Variants in UBE2N observed in about 807,000 individuals in gnomAD.
UBE2N encodes the protein ubiquitin conjugating enzyme E2 N.
For missense variants in UBE2N, 60 were observed against 192.1 expected (o/e 0.31, Z 4.07); for synonymous variants, 70 against 69.2 (o/e 1.01, Z -0.06).
chr12:93,426,670 T>G (rs1592747569), intron 1 of UBE2N, among the ~76,000 whole-genome samples: 1 of 152,174 alleles, frequency 6.6e-6, no homozygotes, highest in Non-Finnish European at 1.5e-5. Context: ...CAGGCAGTTT[T>G]CTAAAAAATC....
chr12:93,418,556 T>C (rs1878296464), intron 1 of UBE2N, among the ~76,000 whole-genome samples: 1 of 139,506 alleles, frequency 7.2e-6, no homozygotes, highest in South Asian at 2.1e-4. Context: ...GGATTAGAAA[T>C]AGAACCAAAG....
intron 1 of UBE2N, among the ~76,000 whole-genome samples, chr12:93,429,143 G>A (rs182300581): frequency 6.6e-6 from 1 of 151,888 alleles, no homozygotes; most frequent in Non-Finnish European, 1.5e-5. Flanking sequence ...GGTGGTGCAC[G>A]CCTGTAGTCC....
At chr12:93,438,793 T>C (rs1879012678) in intron 1 of UBE2N, among the ~76,000 whole-genome samples, 1 of 152,162 alleles carries the variant, frequency 6.6e-6, no homozygotes, top group African/African-American at 2.4e-5. Flanking sequence ...AAGCAGAACC[T>C]ACAGAATTTG....
chr12:93,415,421 T>C (rs1245895682), intron 1 of UBE2N, among the ~76,000 whole-genome samples: 3 of 152,244 alleles, frequency 2.0e-5, no homozygotes, highest in Non-Finnish European at 4.4e-5. Context: ...ACTAGTTTTT[T>C]GTTTTGATCA....
rs370162649 is a variant in UBE2N, at chr12:93,411,084, C to T, written c.246G>A (p.Lys82=). 90 of 1,614,210 alleles carry T rather than the reference C, an allele frequency of 5.6e-5. No homozygotes were observed. The highest frequency in any genetic ancestry group is 7.5e-5 in the Non-Finnish European group (88 of 1,180,038). ...MTKIYHPNVD[K]LGRICLDILK... ...AAATATCTAAACATATTCTTCCCAACTTGTCTACATTAGGATGATAAATTT... is the reference window on the plus strand; with the variant it reads ...AAATATCTAAACATATTCTTCCCAATTTGTCTACATTAGGATGATAAATTT... Residue 82 remains lysine, a synonymous_variant, in exon 2 of 4, where the codon AAG becomes AAA. Coordinates refer to ENST00000318066, the MANE Select transcript of UBE2N (RefSeq NM_003348.4).
chr12:93,419,154 C>T (rs1395008824), intron 1 of UBE2N, among the ~76,000 whole-genome samples: 1 of 152,178 alleles, frequency 6.6e-6, no homozygotes, highest in East Asian at 1.9e-4. Context: ...AATCCCAGCA[C>T]TTTGGGAGGC....
In UBE2N at chr12:93,414,965, C is replaced by T. The variant is rs181587658; in HGVS notation, c.31-3666G>A. 5.9e-5 allele frequency among the ~76,000 whole-genome samples: 9 copies of T among 152,190 alleles called. No individual in the cohort carries two copies. The East Asian group carries it at 1.7e-3, about 29-fold the overall frequency. On this transcript the variant is annotated intron_variant, in intron 1 of 3. Coordinates refer to ENST00000318066, the MANE Select transcript of UBE2N (RefSeq NM_003348.4). ...AATTAATATTTACTGAATTCTGAAT[C>T]TATTTGATGTTATGAAAAGAGGGAA...
At chr12:93,425,707 G>GA (rs1217588729) in intron 1 of UBE2N, among the ~76,000 whole-genome samples, 1 of 152,046 alleles carries the variant, frequency 6.6e-6, no homozygotes, top group Non-Finnish European at 1.5e-5. Flanking sequence ...GGAGTATGCA[G>GA]AAAAAAAGAC....
chr12:93,407,774 C>A lies in UBE2N; in HGVS notation c.*2265G>T. The A allele has an allele frequency of 6.6e-6, 1 of 152,216 alleles. No individual in the cohort carries two copies. Among genetic ancestry groups the A allele is most frequent in the East Asian group, 1.9e-4 (1 of 5,198 alleles). The allele number at this position is 152,216 out of a possible 1,614,324, so 9.4% of individuals were successfully genotyped here. On this transcript the variant is annotated 3_prime_UTR_variant, in exon 4 of 4. Coordinates refer to ENST00000318066, the MANE Select transcript of UBE2N (RefSeq NM_003348.4). ...CAGGCCCAAAGGCCAGGTGAAGCTG[C>A]AGTTTTCAACTGCTGCCTTGGCCTC...
chr12:93,437,126 T>G (rs1878956917), intron 1 of UBE2N, among the ~76,000 whole-genome samples: 1 of 151,268 alleles, frequency 6.6e-6, no homozygotes, highest in Non-Finnish European at 1.5e-5. Flanking sequence ...TTCCAATATT[T>G]GAAAAAATAA....
chr12:93,437,464 G>T lies in UBE2N; in HGVS notation c.30+4391C>A, dbSNP rs1268525881. Among the ~76,000 whole-genome samples, 8 of 152,218 alleles carry T rather than the reference G, an allele frequency of 5.3e-5. No individual in the cohort carries two copies. The East Asian group carries it at 1.5e-3, about 29-fold the overall frequency. On this transcript the variant is annotated intron_variant, in intron 1 of 3. Coordinates refer to ENST00000318066, the MANE Select transcript of UBE2N (RefSeq NM_003348.4). ...AGGAGAAGACGCCTAACTTATAGCA[G>T]AAAGTTGCTCTGGTCTTCTTGTAAG...
chr12:93,430,405 T>C (rs1014529241), intron 1 of UBE2N, among the ~76,000 whole-genome samples: 4 of 152,126 alleles, frequency 2.6e-5, no homozygotes, highest in Admixed American at 1.3e-4. Context: ...ACTGTATATT[T>C]TGCCGGTAAG....
chr12:93,410,727 T>C lies in UBE2N; in HGVS notation c.418+7A>G, dbSNP rs570609800. 5 of 1,614,082 alleles carry C rather than the reference T, an allele frequency of 3.1e-6. No individual in the cohort carries two copies. The highest frequency in any genetic ancestry group is 4.2e-6 in the Non-Finnish European group (5 of 1,179,936). ...AAGTGGTGTGAAGGAGAATGAATAT[T>C]AGATACCTGTTTCTATGGCTTGGGC... On this transcript the variant is annotated splice_region_variant and intron_variant, in intron 3 of 3. Transcript: ENST00000318066.
In UBE2N at chr12:93,406,756, A is replaced by G. The variant is rs1565790145; in HGVS notation, c.*3283T>C. On this transcript the variant is annotated 3_prime_UTR_variant, in exon 4 of 4. Transcript: ENST00000318066. Reference sequence around the variant, plus strand: ...AAGCGGGAGGATTTGTGTAGATTGTATGCATATACAACATCATTTTATTCC... The same window carrying G: ...AAGCGGGAGGATTTGTGTAGATTGTGTGCATATACAACATCATTTTATTCC... The G allele has an allele frequency of 6.6e-6, 1 of 152,160 alleles. No homozygotes were observed. Among genetic ancestry groups the G allele is most frequent in the East Asian group, 1.9e-4 (1 of 5,174 alleles). 9.4% of individuals were successfully genotyped at this position (152,160 alleles called of 1,614,324 possible).
chr12:93,413,676 G>A (rs1387919063), intron 1 of UBE2N, among the ~76,000 whole-genome samples: 1 of 152,086 alleles, frequency 6.6e-6, no homozygotes, highest in African/African-American at 2.4e-5. Context: ...TAGCCTGATT[G>A]GCAAATTGGT....
chr12:93,429,563 TA>T (rs34053448), intron 1 of UBE2N, among the ~76,000 whole-genome samples: 25,112 of 138,636 alleles, frequency 0.18, 2,160 homozygotes, highest in Admixed American at 0.22. Context: ...TTCTGCTTGT[TA>T]AAAAAAAAAA....
chr12:93,433,604 TTACA>T lies in UBE2N; in HGVS notation c.30+8247_30+8250del, dbSNP rs148575284. Among the ~76,000 whole-genome samples, 380 of 152,304 alleles carry T rather than the reference TTACA, an allele frequency of 2.5e-3. 1 individual carries two copies. Among genetic ancestry groups the T allele is most frequent in the Non-Finnish European group, 4.0e-3 (273 of 68,030 alleles). On this transcript the variant is annotated intron_variant, in intron 1 of 3. Transcript: ENST00000318066. ...AATTCTTTTCCTTGATATAATATTA[TTACA>T]TAAACTATGCCTCTCATATTTATTT...
chr12:93,426,765 G>A (rs1878600555), intron 1 of UBE2N, among the ~76,000 whole-genome samples: 1 of 152,138 alleles, frequency 6.6e-6, no homozygotes, highest in Non-Finnish European at 1.5e-5. Context: ...TCTGGAGGTA[G>A]GACTCTGCCA....
intron 1 of UBE2N, among the ~76,000 whole-genome samples, chr12:93,421,935 G>GT (rs1178515426): frequency 6.6e-6 from 1 of 152,224 alleles, no homozygotes; most frequent in Non-Finnish European, 1.5e-5. Flanking sequence ...TTATTTCATT[G>GT]TGAGTAGTCA....
Sources: gnomAD v4.1 joint callset for allele counts (sites outside exome capture counted in the v4.1 genomes callset) on GRCh38, gnomAD v4.1.1 for gene constraint, MANE v1.5 for transcripts, NCBI Gene and HGNC (gene_info 2026-07-23, HGNC 2026-07-21) for gene names.